The following ZNG1A variants were observed in gnomAD, a reference collection of about 807,000 sequenced individuals.
The protein encoded by ZNG1A is Zn regulated GTPase metalloprotein activator 1A.
At chr9:139,750 C>A in the ZNG1A span, among the ~76,000 whole-genome samples, 25 of 151,618 alleles carry the variant, frequency 1.6e-4, no homozygotes, top group African/African-American at 6.1e-4. Context: ...ATCTGAGGTA[C>A]CGGGTTCATC....
At chr9:175,843 A>T in the ZNG1A span, 10 of 830,518 alleles carry the variant, frequency 1.2e-5, no homozygotes, top group Non-Finnish European at 1.9e-5. Context: ...GATACAAAAA[A>T]CATATAAAGA....
chr9:168,811 C>T, the ZNG1A span, among the ~76,000 whole-genome samples: 15 of 150,260 alleles, frequency 1.0e-4, no homozygotes, highest in Non-Finnish European at 2.2e-4. Flanking sequence ...TAGATGACAG[C>T]ACATCTGTTT....
the ZNG1A span, chr9:172,975 A>T: frequency 3.2e-6 from 1 of 313,922 alleles, no homozygotes; most frequent in Non-Finnish European, 5.7e-6. Context: ...ATGACAGATT[A>T]AATTCAGAAT....
the ZNG1A span, among the ~76,000 whole-genome samples, chr9:140,860 C>A: frequency 2.8e-5 from 4 of 145,384 alleles, no homozygotes; most frequent in South Asian, 2.3e-4. Flanking sequence ...GCTGATGGAG[C>A]TGAAAACCAA....
chr9:138,701 C>T, the ZNG1A span, among the ~76,000 whole-genome samples: 4 of 142,848 alleles, frequency 2.8e-5, no homozygotes, highest in Non-Finnish European at 4.5e-5. Flanking sequence ...GAGTTTGAGA[C>T]CAGCCTAGGC....
At chr9:176,640 C>T in the ZNG1A span, among the ~76,000 whole-genome samples, 1 of 151,814 alleles carries the variant, frequency 6.6e-6, no homozygotes, top group Admixed American at 6.6e-5. Flanking sequence ...CTTTAGGAAG[C>T]TCAACATCAC....
At chr9:177,346 A>G in the ZNG1A span, among the ~76,000 whole-genome samples, 1,762 of 151,868 alleles carry the variant, frequency 0.012, 33 homozygotes, top group African/African-American at 0.04. Flanking sequence ...AAGGGCAGCA[A>G]GACTCCAGAT....
At chr9:149,731 G>A in the ZNG1A span, among the ~76,000 whole-genome samples, 4 of 150,206 alleles carry the variant, frequency 2.7e-5, no homozygotes, top group African/African-American at 1.0e-4. Context: ...TAGGCAGTTT[G>A]TCAAATTAAT....
chr9:172,268 A>G, the ZNG1A span: 1 of 1,502,010 alleles, frequency 6.7e-7, no homozygotes, highest in Non-Finnish European at 9.2e-7. Flanking sequence ...ACCCGAGACA[A>G]AAGTACCCTT....
At chr9:125,229 ATTTT>A in the ZNG1A span, among the ~76,000 whole-genome samples, 1 of 150,340 alleles carries the variant, frequency 6.7e-6, no homozygotes, top group Non-Finnish European at 1.5e-5. Flanking sequence ...TATTTTTTTG[ATTTT>A]TTTATTATGG....
At chr9:147,146 C>A in the ZNG1A span, 2 of 145,066 alleles carry the variant, frequency 1.4e-5, no homozygotes, top group Non-Finnish European at 3.0e-5. Context: ...CCACTGCACT[C>A]CAGCCTGGCA....
the ZNG1A span, among the ~76,000 whole-genome samples, chr9:174,188 T>G: frequency 6.6e-6 from 1 of 151,562 alleles, no homozygotes; most frequent in Non-Finnish European, 1.5e-5. Flanking sequence ...AATTCACATA[T>G]TTTCCTAGCA....
At chr9:172,258 A>T in the ZNG1A span, 4 of 1,545,080 alleles carry the variant, frequency 2.6e-6, no homozygotes, top group African/African-American at 5.5e-5. Flanking sequence ...ATATTCAACA[A>T]CCCGAGACAA....
At chr9:131,996 T>G in the ZNG1A span, among the ~76,000 whole-genome samples, 1 of 125,914 alleles carries the variant, frequency 7.9e-6, no homozygotes, top group African/African-American at 3.2e-5. Context: ...GTATTGCTCT[T>G]TTCCTTACTT....
At chr9:138,099 G>A in the ZNG1A span, among the ~76,000 whole-genome samples, 86 of 151,802 alleles carry the variant, frequency 5.7e-4, no homozygotes, top group African/African-American at 2.1e-3. Flanking sequence ...AAACTTTCCT[G>A]TCTTCCTACT....
At chr9:154,682 G>C in the ZNG1A span, 12 of 1,513,800 alleles carry the variant, frequency 7.9e-6, no homozygotes, top group Non-Finnish European at 1.1e-5. Flanking sequence ...GGATCTGTAG[G>C]CACTTAACAC....
At chr9:174,989 A>G in the ZNG1A span, among the ~76,000 whole-genome samples, 1 of 152,050 alleles carries the variant, frequency 6.6e-6, no homozygotes, top group African/African-American at 2.4e-5. Flanking sequence ...CAGATAATAA[A>G]CATTAAACAA....
the ZNG1A span, among the ~76,000 whole-genome samples, chr9:161,295 C>G: frequency 6.6e-6 from 1 of 151,484 alleles, no homozygotes; most frequent in Admixed American, 6.6e-5. Context: ...ATGGTAAAAT[C>G]CTGTCTCTAC....
the ZNG1A span, chr9:167,202 T>C: frequency 1.3e-5 from 2 of 151,506 alleles, no homozygotes; most frequent in African/African-American, 4.9e-5. Flanking sequence ...AAAGTTCTAA[T>C]GAAAGTGTTC....
Sources: gnomAD v4.1 joint callset for allele counts (sites outside exome capture counted in the v4.1 genomes callset) on GRCh38, gnomAD v4.1.1 for gene constraint, MANE v1.5 for transcripts, NCBI Gene and HGNC (gene_info 2026-07-23, HGNC 2026-07-21) for gene names.